Variants in SLC35F4 observed in about 807,000 individuals in gnomAD.
SLC35F4 encodes the protein chromosome 14 open reading frame 36.
In SLC35F4, 24 loss-of-function variants were observed where a neutral mutation model predicts 44.2. The observed-to-expected ratio is 0.54, with a 90% confidence interval of 0.39 to 0.76. The LOEUF (loss-of-function observed/expected upper bound fraction) is 0.76, where lower values mean the gene tolerates loss of function less well. SLC35F4 is among the 30% of genes least tolerant of loss of function. SLC35F4 has a pLI of 0.00. For synonymous variants in SLC35F4, 238 were observed against 223.6 expected, an observed-to-expected ratio of 1.06 and a Z score of -0.57; for missense variants, 562 against 586.1, an observed-to-expected ratio of 0.96 and a Z score of 0.42.
chr14:57,604,598 A>C (rs1452617089), intron 1 of SLC35F4, among the ~76,000 whole-genome samples: 2 of 152,228 alleles, frequency 1.3e-5, no homozygotes, highest in African/African-American at 4.8e-5. Flanking sequence ...AGAATTGGAA[A>C]AAACTATTCT....
chr14:57,876,205 T>C (rs910265533), intron 1 of SLC35F4, among the ~76,000 whole-genome samples: 3 of 152,136 alleles, frequency 2.0e-5, no homozygotes, highest in Admixed American at 1.3e-4. Flanking sequence ...ATGCAGTAAG[T>C]TTCACATAGC....
At chr14:57,911,821 T>C (rs971464863) in intron 1 of SLC35F4, among the ~76,000 whole-genome samples, 12 of 152,050 alleles carry the variant, frequency 7.9e-5, no homozygotes, top group Non-Finnish European at 5.9e-5. Flanking sequence ...TTTCCTCTGC[T>C]TCTATTTTCT....
chr14:57,858,865 G>A lies in SLC35F4; in HGVS notation c.103+6858C>T, dbSNP rs1453461984. ...TCCCAGTGCTTTAGGAGGCTGAGGT[G>A]GGAGGTGTGGGAGGATCACTTGAAG... On this transcript the variant is annotated intron_variant, in intron 1 of 7. Coordinates refer to ENST00000556826, the MANE Select transcript of SLC35F4 (RefSeq NM_001306087.2). Among the ~76,000 whole-genome samples, 2 of 151,560 alleles carry A rather than the reference G, an allele frequency of 1.3e-5. 1 individual carries two copies. The highest frequency in any genetic ancestry group is 4.8e-5 in the African/African-American group (2 of 41,240).
chr14:57,827,627 T>C (rs1200482038), intron 1 of SLC35F4, among the ~76,000 whole-genome samples: 3 of 152,126 alleles, frequency 2.0e-5, no homozygotes, highest in African/African-American at 7.2e-5. Context: ...GGACATAGAA[T>C]TTTGCAGCAA....
intron 1 of SLC35F4, among the ~76,000 whole-genome samples, chr14:57,668,448 G>A (rs988263837): frequency 6.6e-6 from 1 of 151,986 alleles, no homozygotes; most frequent in Non-Finnish European, 1.5e-5. Flanking sequence ...TTCTTCTAGG[G>A]TTTTTATGGT....
intron 1 of SLC35F4, among the ~76,000 whole-genome samples, chr14:57,714,973 T>C (rs2075903351): frequency 1.3e-5 from 2 of 152,196 alleles, no homozygotes; most frequent in South Asian, 4.1e-4. Flanking sequence ...CGGAGGAGGA[T>C]TCTTGCTCAT....
intron 1 of SLC35F4, among the ~76,000 whole-genome samples, chr14:57,858,402 G>C (rs909769518): frequency 4.6e-5 from 7 of 152,026 alleles, no homozygotes; most frequent in Admixed American, 3.3e-4. Context: ...AAGCTGGAAA[G>C]CATCATTCTC....
intron 1 of SLC35F4, among the ~76,000 whole-genome samples, chr14:57,719,820 T>C (rs1259986712): frequency 3.3e-5 from 5 of 152,164 alleles, no homozygotes; most frequent in African/African-American, 1.2e-4. Flanking sequence ...TCTTGTCTAA[T>C]TGCCCTAGCT....
At chr14:57,858,336 A>G (rs968443023) in intron 1 of SLC35F4, among the ~76,000 whole-genome samples, 1 of 152,056 alleles carries the variant, frequency 6.6e-6, no homozygotes, top group African/African-American at 2.4e-5. Context: ...TACACCATGG[A>G]ATACTATGAA....
At chr14:57,863,984 G>T (rs1267923045) in intron 1 of SLC35F4, among the ~76,000 whole-genome samples, 2 of 152,168 alleles carry the variant, frequency 1.3e-5, no homozygotes, top group African/African-American at 4.8e-5. Context: ...AGCATGTGCA[G>T]CTATTTGAGC....
At chr14:57,771,342 C>A (rs1259579160) in intron 1 of SLC35F4, among the ~76,000 whole-genome samples, 1 of 152,148 alleles carries the variant, frequency 6.6e-6, no homozygotes, top group Non-Finnish European at 1.5e-5. Context: ...TGCCTTCCAT[C>A]CATAAGTGGG....
At chr14:57,622,269 A>C (rs1371934073) in intron 1 of SLC35F4, among the ~76,000 whole-genome samples, 1 of 134,946 alleles carries the variant, frequency 7.4e-6, no homozygotes, top group African/African-American at 2.9e-5. Context: ...GCGATTCCTC[A>C]GGGATCTAGA....
intron 1 of SLC35F4, among the ~76,000 whole-genome samples, chr14:57,712,531 A>G (rs948386234): frequency 3.9e-5 from 6 of 152,116 alleles, no homozygotes; most frequent in African/African-American, 1.4e-4. Flanking sequence ...TTGGTATCTC[A>G]CACGTAATAT....
At chr14:57,813,739 C>T (rs1418428490) in intron 1 of SLC35F4, among the ~76,000 whole-genome samples, 1 of 152,094 alleles carries the variant, frequency 6.6e-6, no homozygotes, top group Non-Finnish European at 1.5e-5. Context: ...GTGGGTTTGA[C>T]AGAGCAGGAC....
intron 1 of SLC35F4, among the ~76,000 whole-genome samples, chr14:57,858,315 T>C (rs1388270804): frequency 2.6e-5 from 4 of 151,846 alleles, no homozygotes; most frequent in African/African-American, 9.7e-5. Flanking sequence ...ATTAAGAAAA[T>C]GTGGCACATA....
chr14:57,801,261 C>A (rs2078187177), intron 1 of SLC35F4, among the ~76,000 whole-genome samples: 1 of 152,186 alleles, frequency 6.6e-6, no homozygotes, highest in Non-Finnish European at 1.5e-5. Flanking sequence ...CGTATCCAGA[C>A]AAACTAAGCT....
At chr14:57,753,739 C>A (rs1037588360) in intron 1 of SLC35F4, among the ~76,000 whole-genome samples, 9 of 152,166 alleles carry the variant, frequency 5.9e-5, no homozygotes, top group Non-Finnish European at 1.3e-4. Flanking sequence ...GCTACCCAAC[C>A]TCTTCCTGAT....
intron 1 of SLC35F4, among the ~76,000 whole-genome samples, chr14:57,800,128 T>C (rs571155657): frequency 5.3e-5 from 8 of 152,234 alleles, no homozygotes; most frequent in Non-Finnish European, 1.0e-4. Context: ...TGTCAGTACC[T>C]CACTGGGACA....
chr14:57,774,665 G>T (rs1361458922), intron 1 of SLC35F4, among the ~76,000 whole-genome samples: 1 of 152,162 alleles, frequency 6.6e-6, no homozygotes, highest in Non-Finnish European at 1.5e-5. Flanking sequence ...TACAGCCCCT[G>T]GGGGCCTGCA....
Sources: allele counts gnomAD v4.1 joint callset (sites outside exome capture counted in the v4.1 genomes callset), GRCh38; gene constraint gnomAD v4.1.1; transcripts MANE v1.5; gene names NCBI Gene and HGNC (gene_info 2026-07-23, HGNC 2026-07-21).